ITFG1: variants seen among roughly 807,000 people sequenced by gnomAD.
The protein encoded by ITFG1 is T-cell immunomodulatory protein.
Under a neutral mutation model 81.8 loss-of-function variants are expected in ITFG1, and 34 were observed. That is an observed-to-expected ratio of 0.42 (90% CI 0.32 to 0.55). The LOEUF (loss-of-function observed/expected upper bound fraction) is 0.55, where lower values mean the gene tolerates loss of function less well. Among genes scored for constraint, ITFG1 ranks in the 20% least tolerant of loss-of-function variants. The probability of loss-of-function intolerance (pLI) is 0.17; values close to 1 mark genes in which losing one functional copy is unlikely to be tolerated. For synonymous variants in ITFG1, 285 were observed against 270.6 expected (o/e 1.05, Z -0.52); for missense variants, 672 against 755.4 (o/e 0.89, Z 1.29).
intron 14 of ITFG1, among the ~76,000 whole-genome samples, chr16:47,213,286 TA>T (rs1476598561): frequency 6.6e-6 from 1 of 152,226 alleles, no homozygotes; most frequent in African/African-American, 2.4e-5. Context: ...TTCACTTGTT[TA>T]AATTTTTTGA....
At position 47,258,633 on chromosome 16, in the gene ITFG1, A is replaced by G; in HGVS notation, c.1329T>C (p.Ile443=). 7.6e-7 allele frequency: 1 copy of G among 1,319,776 alleles called. No homozygotes were observed. Among genetic ancestry groups the G allele is most frequent in the Middle Eastern group, 1.8e-4 (1 of 5,468 alleles). 81.8% of individuals were successfully genotyped at this position (1,319,776 alleles called of 1,614,324 possible). ...ATTAAATGTTAGTACTTTACTCACC[A>G]ATAACTTTAACAAAATAAGCATCTG... ...FEADAYFVKV[I]VLSGLCSNDC... Residue 443 remains isoleucine (I), a splice_region_variant and synonymous_variant, in exon 12 of 18, where the codon ATT becomes ATC. Coordinates refer to ENST00000320640, the MANE Select transcript of ITFG1 (RefSeq NM_030790.5).
chr16:47,431,384 A>G (rs896052565), intron 5 of ITFG1, among the ~76,000 whole-genome samples: 2 of 152,160 alleles, frequency 1.3e-5, no homozygotes, highest in African/African-American at 4.8e-5. Context: ...ATGCACATTC[A>G]AGGGATCTAG....
chr16:47,407,438 G>A (rs927746187), intron 6 of ITFG1, among the ~76,000 whole-genome samples: 12 of 151,042 alleles, frequency 7.9e-5, no homozygotes, highest in Non-Finnish European at 1.8e-4. Context: ...TGCAACCTCT[G>A]CCTCCTGGGT....
chr16:47,353,511 T>C (rs921805434), intron 8 of ITFG1, among the ~76,000 whole-genome samples: 19 of 152,238 alleles, frequency 1.2e-4, no homozygotes, highest in African/African-American at 4.6e-4. Context: ...ATGCCCAGTT[T>C]CACCACTTGT....
At chr16:47,438,616 A>T (rs1015250970) in intron 5 of ITFG1, among the ~76,000 whole-genome samples, 1 of 152,232 alleles carries the variant, frequency 6.6e-6, no homozygotes, top group African/African-American at 2.4e-5. Flanking sequence ...AGACCTGCAG[A>T]TGAGGGTCCT....
At chr16:47,272,869 T>C (rs1966358136) in intron 10 of ITFG1, among the ~76,000 whole-genome samples, 1 of 150,888 alleles carries the variant, frequency 6.6e-6, no homozygotes, top group Admixed American at 6.6e-5. Flanking sequence ...ATGTACATAT[T>C]AAATGTTGCT....
At chr16:47,172,124 T>C (rs1309841049) in intron 14 of ITFG1, among the ~76,000 whole-genome samples, 1 of 152,200 alleles carries the variant, frequency 6.6e-6, no homozygotes, top group Non-Finnish European at 1.5e-5. Flanking sequence ...GGCTCTCATA[T>C]CAAACTAAAT....
At chr16:47,425,192 G>A (rs1333946486) in intron 6 of ITFG1, among the ~76,000 whole-genome samples, 1 of 152,184 alleles carries the variant, frequency 6.6e-6, no homozygotes, top group Non-Finnish European at 1.5e-5. Context: ...ATCGCAGGTT[G>A]ATCTCAGACT....
chr16:47,261,367 A>G (rs1449782192), intron 10 of ITFG1, among the ~76,000 whole-genome samples: 1 of 152,246 alleles, frequency 6.6e-6, no homozygotes, highest in East Asian at 1.9e-4. Flanking sequence ...AAGAGTACTT[A>G]GAGCATAGGT....
intron 7 of ITFG1, among the ~76,000 whole-genome samples, chr16:47,373,981 C>T (rs1968292774): frequency 6.6e-6 from 1 of 152,178 alleles, no homozygotes; most frequent in Non-Finnish European, 1.5e-5. Context: ...ACTATTGTTA[C>T]TGTGGAAACT....
intron 13 of ITFG1, among the ~76,000 whole-genome samples, chr16:47,236,328 A>G (rs559083004): frequency 1.3e-5 from 2 of 152,100 alleles, no homozygotes; most frequent in African/African-American, 4.8e-5. Context: ...ACAAAAAATT[A>G]GCCGGGCATG....
chr16:47,433,668 T>C (rs1173248546), intron 5 of ITFG1, among the ~76,000 whole-genome samples: 3 of 151,456 alleles, frequency 2.0e-5, no homozygotes, highest in African/African-American at 4.8e-5. Flanking sequence ...GAGTTTATTT[T>C]ATACGGTGTC....
chr16:47,252,871 C>T (rs1045389233), intron 12 of ITFG1, among the ~76,000 whole-genome samples: 9 of 152,042 alleles, frequency 5.9e-5, no homozygotes, highest in Non-Finnish European at 1.0e-4. Context: ...GGCAAACAAC[C>T]GATAATCAAA....
chr16:47,279,545 T>C (rs1177235144), intron 10 of ITFG1, among the ~76,000 whole-genome samples: 1 of 152,194 alleles, frequency 6.6e-6, no homozygotes, highest in Non-Finnish European at 1.5e-5. Flanking sequence ...AGCTATATAG[T>C]AAAATCCTTA....
intron 13 of ITFG1, among the ~76,000 whole-genome samples, chr16:47,233,440 C>G (rs553795136): frequency 6.6e-6 from 1 of 152,312 alleles, no homozygotes; most frequent in South Asian, 2.1e-4. Flanking sequence ...AGGGGGGAAC[C>G]CTCACACTTA....
At chr16:47,299,707 G>T (rs1260008505) in intron 10 of ITFG1, 2 of 152,238 alleles carry the variant, frequency 1.3e-5, no homozygotes, top group African/African-American at 4.8e-5. Flanking sequence ...CAACCTAGCG[G>T]GATACCATCC....
At chr16:47,197,634 T>A (rs1965374827) in intron 14 of ITFG1, among the ~76,000 whole-genome samples, 1 of 152,236 alleles carries the variant, frequency 6.6e-6, no homozygotes, top group Non-Finnish European at 1.5e-5. Context: ...TAAACCTCTT[T>A]AAATAGTTGA....
intron 8 of ITFG1, among the ~76,000 whole-genome samples, chr16:47,354,160 A>C (rs916569811): frequency 2.0e-5 from 3 of 152,184 alleles, no homozygotes; most frequent in Non-Finnish European, 4.4e-5. Flanking sequence ...ACATACTACA[A>C]AGCTATGGTA....
intron 6 of ITFG1, among the ~76,000 whole-genome samples, chr16:47,402,999 A>G (rs181885927): frequency 6.6e-6 from 1 of 152,336 alleles, no homozygotes; most frequent in East Asian, 1.9e-4. Flanking sequence ...ATATAAATTT[A>G]CTGCTTTTTA....
Sources: allele counts gnomAD v4.1 joint callset (sites outside exome capture counted in the v4.1 genomes callset), GRCh38; gene constraint gnomAD v4.1.1; transcripts MANE v1.5; gene names NCBI Gene and HGNC (gene_info 2026-07-23, HGNC 2026-07-21).